Variants in AKT1 observed in about 807,000 individuals in gnomAD.
AKT1 encodes AKT serine/threonine kinase 1, also known as RAC-alpha serine/threonine-protein kinase.
A neutral mutation model predicts 63.1 loss-of-function variants in AKT1; 21 were observed. The ratio of observed to expected loss-of-function variants is 0.33; its 90% confidence interval spans 0.24 to 0.48. The LOEUF (loss-of-function observed/expected upper bound fraction) is 0.48, where lower values mean the gene tolerates loss of function less well. Ranked by LOEUF, AKT1 falls within the 20% of genes least tolerant of loss-of-function variation. The pLI, the probability that AKT1 is intolerant of heterozygous loss-of-function variation, is 0.99. For missense variants in AKT1, 382 were observed against 666.0 expected (o/e 0.57, Z 4.69); for synonymous variants, 257 against 253.1 (o/e 1.02, Z -0.15).
chr14:104,779,927 C>T (rs866063115), intron 4 of AKT1, among the ~76,000 whole-genome samples, 161 bp downstream of exon 4: 4 of 152,274 alleles, frequency 2.6e-5, no homozygotes, highest in Non-Finnish European at 2.9e-5. Flanking sequence ...GCCCAGCCAG[C>T]CTCGGGACTC....
rs1595238308 is a variant in AKT1, at chr14:104,770,229, G to T, written c.*112C>A. ...CTTTCCATCTGGGCTCGAGAGGACAGCGTGGCTTCTCTCAAATGCACCCGA... is the reference window on the plus strand; with the variant it reads ...CTTTCCATCTGGGCTCGAGAGGACATCGTGGCTTCTCTCAAATGCACCCGA... On this transcript the variant is annotated 3_prime_UTR_variant, in exon 15 of 15. Coordinates refer to ENST00000649815, the MANE Select transcript of AKT1 (RefSeq NM_001382430.1). 1.7e-6 allele frequency: 2 copies of T among 1,203,730 alleles called. No individual in the cohort carries two copies. The highest frequency in any genetic ancestry group is 2.5e-5 in the East Asian group (1 of 39,336). 74.6% of individuals were successfully genotyped at this position (1,203,730 alleles called of 1,614,324 possible). A position where few individuals can be genotyped will look rare whatever the true frequency, so the allele number is the denominator to read the frequency against.
intron 3 of AKT1, among the ~76,000 whole-genome samples, chr14:104,788,201 A>T (rs945769698): frequency 6.6e-6 from 1 of 152,120 alleles, no homozygotes; most frequent in Non-Finnish European, 1.5e-5. Flanking sequence ...CACTGAAGCC[A>T]CCTAGACGCA....
intron 4 of AKT1, chr14:104,776,988 C>T: frequency 3.8e-6 from 2 of 524,602 alleles, no homozygotes; most frequent in African/African-American, 1.9e-5. Flanking sequence ...CTGAGGCAGC[C>T]ACACAGGGCA....
At chr14:104,772,042 G>A (rs1892416283) in intron 13 of AKT1, 2 of 497,962 alleles carry the variant, frequency 4.0e-6, no homozygotes, top group African/African-American at 3.8e-5. Flanking sequence ...TCACTGCACA[G>A]CGTCAGGGAA....
intron 3 of AKT1, among the ~76,000 whole-genome samples, chr14:104,790,147 G>T (rs1470641417): frequency 1.3e-5 from 2 of 152,190 alleles, no homozygotes; most frequent in Admixed American, 6.5e-5. Flanking sequence ...AAGTAGCCGT[G>T]GTGGGACTGT....
intron 3 of AKT1, among the ~76,000 whole-genome samples, chr14:104,782,985 C>T (rs2494741): frequency 0.13 from 19,346 of 152,178 alleles, 2,251 homozygotes; most frequent in East Asian, 0.65. Flanking sequence ...ACAGCAGATG[C>T]GGCAGGGCCC....
At chr14:104,788,293 G>T (rs1442651620) in intron 3 of AKT1, among the ~76,000 whole-genome samples, 2 of 152,184 alleles carry the variant, frequency 1.3e-5, no homozygotes, top group Non-Finnish European at 2.9e-5. Flanking sequence ...GAGCCCAAAG[G>T]TTCCCACAGG....
Position 104,793,661 on chromosome 14 carries a change from G to A in AKT1, c.-257-357C>T, listed in dbSNP as rs185645727. 4 of 168,240 alleles carry A rather than the reference G, an allele frequency of 2.4e-5. No homozygotes were observed. In the East Asian group the frequency reaches 4.6e-4, roughly 19 times the overall value. The allele number at this position is 168,240 out of a possible 1,614,324, so 10.4% of individuals were successfully genotyped here. On this transcript the variant is annotated intron_variant, in intron 1 of 14. Transcript: ENST00000649815. ...ACTGGACAGGCCCCCGCCCTGCAGCGGCCCACCAGCCAACCCTCACCTGAG... is the reference window on the plus strand; with the variant it reads ...ACTGGACAGGCCCCCGCCCTGCAGCAGCCCACCAGCCAACCCTCACCTGAG...
rs1056808295 is a variant in AKT1, at chr14:104,792,665, G to A, written c.-22C>T. 9 of 1,607,334 alleles carry A rather than the reference G, an allele frequency of 5.6e-6. No individual in the cohort carries two copies. The highest frequency in any genetic ancestry group is 2.7e-5 in the African/African-American group (2 of 74,920). On this transcript the variant is annotated 5_prime_UTR_variant, in exon 3 of 15. Coordinates refer to ENST00000649815, the MANE Select transcript of AKT1 (RefSeq NM_001382430.1). ...TCATGGTGCCCGAGGCTCCCGCGAC[G>A]CTCACGCGCTCCTCTCAGGCTGGCG...
rs1892278237 is a variant in AKT1, at chr14:104,769,879, G to C, written c.*462C>G. The C allele has an allele frequency of 2.6e-6, 1 of 390,662 alleles. No individual in the cohort carries two copies. Among genetic ancestry groups the C allele is most frequent in the East Asian group, 5.0e-5 (1 of 20,112 alleles). The allele number at this position is 390,662 out of a possible 1,614,324, so 24.2% of individuals were successfully genotyped here. On this transcript the variant is annotated 3_prime_UTR_variant, in exon 15 of 15. Coordinates refer to ENST00000649815, the MANE Select transcript of AKT1 (RefSeq NM_001382430.1). ...CACCCCCAGGAGAGGGTGCTGGCCA[G>C]CATACCATAGTGAGGTTGCATCTGG...
chr14:104,780,269 G>A (rs865785932), intron 3 of AKT1, 53 bp from the exon 4 acceptor site: 33 of 1,588,894 alleles, frequency 2.1e-5, no homozygotes, highest in African/African-American at 1.7e-4. Context: ...TCAGACCCTC[G>A]CCAGGCAGCC....
chr14:104,775,462 C>T lies in AKT1; in HGVS notation c.435+190G>A, dbSNP rs1295304783. The T allele has an allele frequency of 5.6e-6, 6 of 1,067,800 alleles. No individual in the cohort carries two copies. In the South Asian group the frequency reaches 8.3e-5, roughly 15 times the overall value. The allele number at this position is 1,067,800 out of a possible 1,614,324, so 66.1% of individuals were successfully genotyped here. A position where few individuals can be genotyped will look rare whatever the true frequency, so the allele number is the denominator to read the frequency against. ...CAAGCCTGGCAGGGCTCAGCAACCC[C>T]AGTTTTCCTCTGACATGGGGAAGAG... is the stretch of plus-strand genomic sequence containing the variant. On this transcript the variant is annotated intron_variant, in intron 6 of 14. Transcript: ENST00000649815.
At chr14:104,788,012 C>T (rs1356508753) in intron 3 of AKT1, among the ~76,000 whole-genome samples, 1 of 152,204 alleles carries the variant, frequency 6.6e-6, no homozygotes, top group Non-Finnish European at 1.5e-5. Context: ...TGCCCCTCTC[C>T]CGGGTAGGCC....
intron 1 of AKT1, chr14:104,794,253 G>C (rs61757056): frequency 0.015 from 2,296 of 152,560 alleles, 31 homozygotes; most frequent in Middle Eastern, 0.064. Flanking sequence ...GACACTGAGT[G>C]GGCGTGGCCT....
chr14:104,780,070 G>C lies in AKT1; in HGVS notation c.175+18C>G, dbSNP rs3730358. 2.2e-3 allele frequency: 3,569 copies of C among 1,611,060 alleles called. 39 individuals are homozygous for C. The highest frequency in any genetic ancestry group is 6.2e-3 in the South Asian group (565 of 91,024). Reference sequence around the variant, plus strand: ...AACCCCCCAAATCTGAATCCCGAGAGGCCAAGGGGATACTTACGCGCCACA... The same window carrying C: ...AACCCCCCAAATCTGAATCCCGAGACGCCAAGGGGATACTTACGCGCCACA... On this transcript the variant is annotated intron_variant, in intron 4 of 14. Coordinates refer to ENST00000649815, the MANE Select transcript of AKT1 (RefSeq NM_001382430.1).
chr14:104,772,745 C>T (rs1892462272), intron 12 of AKT1, 133 bp downstream of exon 12: 19 of 1,077,196 alleles, frequency 1.8e-5, no homozygotes, highest in Non-Finnish European at 2.5e-5. Context: ...GGAGATCAGC[C>T]CTGGCCAAGG....
intron 5 of AKT1, chr14:104,776,075 A>G: frequency 3.8e-6 from 1 of 260,472 alleles, no homozygotes; most frequent in South Asian, 5.5e-5. Flanking sequence ...CCCCAGCAGG[A>G]CTCCGCCCCC....
rs1210398718 is a variant in AKT1, at chr14:104,769,783, C to T, written c.*558G>A. 2.6e-6 allele frequency: 1 copy of T among 386,406 alleles called. No homozygotes were observed. The highest frequency in any genetic ancestry group is 4.9e-6 in the Non-Finnish European group (1 of 205,670). The allele number at this position is 386,406 out of a possible 1,614,324, so 23.9% of individuals were successfully genotyped here. On this transcript the variant is annotated 3_prime_UTR_variant, in exon 15 of 15. Transcript: ENST00000649815. ...GCCCATCCCCCATCCCTGGTCCCATCCCAGGGGCCCAGCCTCCGATGACGT... is the reference window on the plus strand; with the variant it reads ...GCCCATCCCCCATCCCTGGTCCCATTCCAGGGGCCCAGCCTCCGATGACGT...
chr14:104,770,843 C>A lies in AKT1; in HGVS notation c.1265G>T (p.Ser422Ile), dbSNP rs2140891205. The A allele has an allele frequency of 3.1e-6, 5 of 1,613,986 alleles. No individual in the cohort carries two copies. The highest frequency in any genetic ancestry group is 4.2e-6 in the Non-Finnish European group (5 of 1,179,938). The change falls in exon 14 of 15, where the codon AGC becomes ATC. Residue 422 changes from serine to isoleucine, a missense_variant. By Grantham distance (142) the Ser-to-Ile change is moderately radical (BLOSUM62 -2). This residue lies in a region of AKT1 where 90 missense variants were observed against 120.5 expected (regional missense o/e 0.75). Coordinates refer to ENST00000649815, the MANE Select transcript of AKT1 (RefSeq NM_001382430.1). ...CGTGACCTGGGGCTTGAAGGGTGGGCTGAGCTGCAGAGGTGGGCAGACGGG... is the reference window on the plus strand; with the variant it reads ...CGTGACCTGGGGCTTGAAGGGTGGGATGAGCTGCAGAGGTGGGCAGACGGG... ...VWQHVYEKKL[S>I]PPFKPQVTSE... is the part of the protein sequence containing the mutation.
Sources: gnomAD v4.1 joint callset for allele counts (sites outside exome capture counted in the v4.1 genomes callset) on GRCh38, gnomAD v4.1.1 for gene constraint, gnomAD v4.1.1 regional missense constraint, MANE v1.5 for transcripts, NCBI Gene and HGNC (gene_info 2026-07-23, HGNC 2026-07-21) for gene names.